SRPK2: variants seen among roughly 807,000 people sequenced by gnomAD.
SRPK2 encodes the protein SRSF protein kinase 2.
A neutral mutation model predicts 90.8 loss-of-function variants in SRPK2; 21 were observed. The observed-to-expected ratio is 0.23, with a 90% confidence interval of 0.16 to 0.33. The LOEUF is 0.33. SRPK2 is among the 10% of genes least tolerant of loss of function. The probability of loss-of-function intolerance (pLI) is 1.00; values close to 1 mark genes in which losing one functional copy is unlikely to be tolerated. For synonymous variants in SRPK2, 288 were observed against 311.1 expected, an observed-to-expected ratio of 0.93 and a Z score of 0.78; for missense variants, 620 against 869.0, an observed-to-expected ratio of 0.71 and a Z score of 3.60.
At chr7:105,259,050 G>C (rs1190581407) in intron 2 of SRPK2, among the ~76,000 whole-genome samples, 1 of 152,130 alleles carries the variant, frequency 6.6e-6, no homozygotes, top group Non-Finnish European at 1.5e-5. Flanking sequence ...AGTCAGGCAG[G>C]AAAAGGAAAT....
chr7:105,376,473 C>A (rs1456565330), intron 2 of SRPK2, among the ~76,000 whole-genome samples: 1 of 151,850 alleles, frequency 6.6e-6, no homozygotes, highest in South Asian at 2.1e-4. Context: ...TCCAAATACC[C>A]CTTTTCTTGC....
chr7:105,126,959 T>C (rs1251388528), intron 14 of SRPK2, 34 bp downstream of exon 14: 6 of 1,608,752 alleles, frequency 3.7e-6, no homozygotes, highest in Admixed American at 1.7e-5. Context: ...GCAGAAGACC[T>C]AGACCGAGGT....
At chr7:105,373,275 CA>C (rs1345130551) in intron 2 of SRPK2, among the ~76,000 whole-genome samples, 2 of 151,756 alleles carry the variant, frequency 1.3e-5, no homozygotes, top group African/African-American at 4.8e-5. Context: ...TGAAGGCCAT[CA>C]ACGATAAACA....
intron 11 of SRPK2, among the ~76,000 whole-genome samples, chr7:105,141,155 G>A (rs1345075209): frequency 3.9e-5 from 6 of 152,174 alleles, no homozygotes; most frequent in Admixed American, 6.5e-5. Flanking sequence ...AAATCCTTAG[G>A]AGGATTCATC....
At chr7:105,219,552 C>T (rs1797856263) in intron 2 of SRPK2, among the ~76,000 whole-genome samples, 1 of 152,184 alleles carries the variant, frequency 6.6e-6, no homozygotes, top group African/African-American at 2.4e-5. Flanking sequence ...GTGCTAGAAG[C>T]CACTCCCTGT....
chr7:105,186,604 T>C (rs1793612604), intron 3 of SRPK2, among the ~76,000 whole-genome samples: 1 of 152,214 alleles, frequency 6.6e-6, no homozygotes, highest in Admixed American at 6.5e-5. Flanking sequence ...GCCGAAACAG[T>C]ATCTCCCCAA....
intron 2 of SRPK2, among the ~76,000 whole-genome samples, chr7:105,330,185 A>G (rs556011091): frequency 6.6e-6 from 1 of 151,756 alleles, no homozygotes; most frequent in East Asian, 1.9e-4. Context: ...TAAAAATACA[A>G]AAAAATTAGC....
At chr7:105,123,689 C>A (rs928407943) in intron 15 of SRPK2, among the ~76,000 whole-genome samples, 1 of 152,100 alleles carries the variant, frequency 6.6e-6, no homozygotes, top group African/African-American at 2.4e-5. Flanking sequence ...AATCTATTTC[C>A]ATGACCGGCC....
At chr7:105,206,799 T>C (rs1036055274) in intron 2 of SRPK2, among the ~76,000 whole-genome samples, 1 of 152,304 alleles carries the variant, frequency 6.6e-6, no homozygotes, top group Non-Finnish European at 1.5e-5. Flanking sequence ...TTGCTCAATA[T>C]TAAAATGTTT....
chr7:105,375,862 A>AC (rs1165096672), intron 2 of SRPK2, among the ~76,000 whole-genome samples: 1 of 152,012 alleles, frequency 6.6e-6, no homozygotes, highest in Non-Finnish European at 1.5e-5. Context: ...TAAAACATGC[A>AC]ACTTATAGCT....
intron 2 of SRPK2, among the ~76,000 whole-genome samples, chr7:105,314,688 A>C (rs1812117881): frequency 6.6e-6 from 1 of 152,210 alleles, no homozygotes; most frequent in Non-Finnish European, 1.5e-5. Context: ...CCGGCCCAAA[A>C]CATATTTTGT....
intron 11 of SRPK2, among the ~76,000 whole-genome samples, chr7:105,138,091 T>G (rs1803150665): frequency 6.6e-6 from 1 of 152,176 alleles, no homozygotes. Context: ...GCAACAGGTA[T>G]TGGGGATGGT....
intron 2 of SRPK2, among the ~76,000 whole-genome samples, chr7:105,309,357 C>G (rs1385443281): frequency 6.6e-6 from 1 of 152,104 alleles, no homozygotes; most frequent in Non-Finnish European, 1.5e-5. Flanking sequence ...AGTCACTAAA[C>G]ATTTCATTTT....
intron 2 of SRPK2, among the ~76,000 whole-genome samples, chr7:105,335,759 G>C (rs1475261379): frequency 1.3e-5 from 2 of 151,464 alleles, no homozygotes; most frequent in Non-Finnish European, 2.9e-5. Context: ...TTCAAGACCA[G>C]GCTGACCAAC....
At chr7:105,337,230 AC>A (rs1247873183) in intron 2 of SRPK2, among the ~76,000 whole-genome samples, 1 of 151,998 alleles carries the variant, frequency 6.6e-6, no homozygotes, top group Non-Finnish European at 1.5e-5. Flanking sequence ...TGAAGCCTTA[AC>A]CCCCAGTGTG....
At chr7:105,124,656 A>AAAAAAAAAAAAAAAAAAAAC (rs1800900394) in intron 15 of SRPK2, among the ~76,000 whole-genome samples, 1 of 150,858 alleles carries the variant, frequency 6.6e-6, no homozygotes, top group African/African-American at 2.4e-5. Context: ...AAAAAAAAAA[A>AAAAAAAAAAAAAAAAAAAAC]AAATCAATGT....
chr7:105,277,913 G>C (rs1364142847), intron 2 of SRPK2, among the ~76,000 whole-genome samples: 2 of 152,298 alleles, frequency 1.3e-5, no homozygotes, highest in Non-Finnish European at 2.9e-5. Flanking sequence ...AGAAATTCTA[G>C]AAAGCCAGGC....
At chr7:105,258,699 C>G (rs1803737643) in intron 2 of SRPK2, among the ~76,000 whole-genome samples, 1 of 152,180 alleles carries the variant, frequency 6.6e-6, no homozygotes, top group Admixed American at 6.5e-5. Flanking sequence ...ATCAACTTGG[C>G]TTCACCCCTG....
chr7:105,279,607 T>C (rs1806996011), intron 2 of SRPK2, among the ~76,000 whole-genome samples: 1 of 152,220 alleles, frequency 6.6e-6, no homozygotes, highest in Non-Finnish European at 1.5e-5. Flanking sequence ...TCACCAGAAC[T>C]GTTTGTTACC....
Sources: gnomAD v4.1 joint callset for allele counts (sites outside exome capture counted in the v4.1 genomes callset) on GRCh38, gnomAD v4.1.1 for gene constraint, MANE v1.5 for transcripts, NCBI Gene and HGNC (gene_info 2026-07-23, HGNC 2026-07-21) for gene names.